Variants in SLC25A45 observed in about 807,000 individuals in gnomAD.
SLC25A45 encodes methylated amino-acid transporter SLC25A45.
SLC25A45 carries 22 observed loss-of-function variants against 23.0 expected under a neutral mutation model. The ratio of observed to expected loss-of-function variants is 0.95; its 90% confidence interval spans 0.68 to 1.36. The LOEUF (loss-of-function observed/expected upper bound fraction) is 1.36, where lower values mean the gene tolerates loss of function less well. Ranked by LOEUF, SLC25A45 falls within the 40% of genes most tolerant of loss-of-function variation. The pLI, the probability that SLC25A45 is intolerant of heterozygous loss-of-function variation, is 0.00. For synonymous variants in SLC25A45, 136 were observed against 155.0 expected, an observed-to-expected ratio of 0.88 and a Z score of 0.91; for missense variants, 355 against 383.5, an observed-to-expected ratio of 0.93 and a Z score of 0.62.
chr11:65,380,288 T>G, intron 2 of SLC25A45, 113 bp from the exon 3 acceptor site: 4 of 1,486,480 alleles, frequency 2.7e-6, no homozygotes, highest in Non-Finnish European at 3.7e-6. Context: ...CAGGGCCATC[T>G]CAGACACATG....
intron 2 of SLC25A45, chr11:65,380,712 C>G: frequency 1.3e-6 from 1 of 762,824 alleles, no homozygotes; most frequent in Non-Finnish European, 1.9e-6. Context: ...CCCTGCCCTC[C>G]ACAGCAGAGG....
At chr11:65,382,727 C>A (rs1855639311), upstream of SLC25A45, 1 of 152,750 alleles carries the variant, frequency 6.5e-6, no homozygotes, top group Admixed American at 6.5e-5. This position sits in a 1 kb window ranked among gnomAD's most constrained non-coding sequence, Gnocchi z 4.4. Context: ...CCACCCACCC[C>A]CTTGCTTTCT....
At chr11:65,381,825 T>G in intron 2 of SLC25A45, 90 bp downstream of exon 2, 2 of 1,532,918 alleles carry the variant, frequency 1.3e-6, no homozygotes, top group Non-Finnish European at 1.8e-6. Context: ...AACTCAGACT[T>G]TGGTCTCTGC....
At position 65,376,269 on chromosome 11, in the gene SLC25A45, C is replaced by T; in HGVS notation, c.*138G>A. ...CCACAGGTGTCTGCCCAGCCCAGAT[C>T]TGCGCGGGTGGGAGGCACCTTGGTT... On this transcript the variant is annotated 3_prime_UTR_variant, in exon 7 of 7. Coordinates refer to ENST00000398802, the MANE Select transcript of SLC25A45 (RefSeq NM_182556.4). The T allele has an allele frequency of 9.1e-7, 1 of 1,104,916 alleles. No individual in the cohort carries two copies. 68.4% of individuals were successfully genotyped at this position (1,104,916 alleles called of 1,614,324 possible).
Position 65,382,181 on chromosome 11 carries a change from C to T in SLC25A45, c.-18-212G>A, listed in dbSNP as rs921970434. On this transcript the variant is annotated intron_variant, in intron 1 of 6. Transcript: ENST00000398802. The surrounding 1 kb of genome is among the most constrained non-coding windows in gnomAD (Gnocchi z 4.4). ...GCAGAGTACAGTCTCACGGGCCAGGCGTGCCGGGACCACAGAGGCCCTGAT... is the reference window on the plus strand; with the variant it reads ...GCAGAGTACAGTCTCACGGGCCAGGTGTGCCGGGACCACAGAGGCCCTGAT... 197 of 574,104 alleles carry T rather than the reference C, an allele frequency of 3.4e-4. 3 individuals are homozygous for T. In the South Asian group the frequency reaches 3.7e-3, roughly 11 times the overall value. 35.6% of individuals were successfully genotyped at this position (574,104 alleles called of 1,614,324 possible).
rs151187182 is a variant in SLC25A45 at position 65,379,923 on chromosome 11, G to A, written c.97C>T (p.Gln33Ter). The A allele has an allele frequency of 4.9e-4, 783 of 1,614,194 alleles. No homozygotes were observed. The African/African-American group carries it at 8.0e-3, about 17-fold the overall frequency. The change falls in exon 4 of 7, where the codon CAG becomes TAG. Residue 33 changes from glutamine to a stop codon, truncating the protein, a stop_gained. Transcript: ENST00000398802. LOFTEE classifies it high-confidence loss of function. The stretch of plus-strand genomic sequence containing the variant: ...TCAACGATGCCCCGGTAGGTGGTCT[G>A]GGTCTGCAGCCTCACCTGGGTGGGA... ...FDTVKVRLQTQTTYRGIVDCM... is the reference protein window; with the variant it reads ...FDTVKVRLQT
At chr11:65,380,472 A>C (rs918357776) in intron 2 of SLC25A45, 1 of 1,290,268 alleles carries the variant, frequency 7.8e-7, no homozygotes, top group Non-Finnish European at 1.1e-6. Flanking sequence ...GCTGGAGCCC[A>C]TACCCGGGTA....
At position 65,379,527 on chromosome 11, in the gene SLC25A45, A is replaced by G. The variant is rs764771932; in HGVS notation, c.188T>C (p.Ile63Thr). 1.7e-5 allele frequency: 27 copies of G among 1,612,718 alleles called. No individual in the cohort carries two copies. The highest frequency in any genetic ancestry group is 2.1e-5 in the Non-Finnish European group (25 of 1,178,940). The change falls in exon 5 of 7, where the codon ATT becomes ACT. Residue 63 changes from isoleucine to threonine, a missense_variant. Transcript: ENST00000398802. ...LGFFKGMSFP[I>T]ASIAVVNSVL... ...AGAGTTGACCACAGCTATGCTGGCA[A>G]TGGGGAAGCTCATTCCCTTGAAGAA...
intron 2 of SLC25A45, chr11:65,380,451 T>C: frequency 8.8e-7 from 1 of 1,138,944 alleles, no homozygotes; most frequent in Non-Finnish European, 1.2e-6. Context: ...GCCAAAGACG[T>C]ACGTGTCCTC....
At position 65,376,560 on chromosome 11, in the gene SLC25A45, C is replaced by T. The variant is rs201428705; in HGVS notation, c.714G>A (p.Val238=). The change falls in exon 7 of 7, where the codon GTG becomes GTA. Residue 238 remains valine (V), a synonymous_variant. Coordinates refer to ENST00000398802, the MANE Select transcript of SLC25A45 (RefSeq NM_182556.4). ...RMQMDGLRRR[V]YQGMLDCMVS... is the part of the protein sequence containing the mutation. ...CCATGCAGTCCAGCATCCCCTGGTA[C>T]ACTCTGCGTCTCAGTCCATCCATCT... The T allele has an allele frequency of 2.5e-5, 41 of 1,614,060 alleles. 1 individual carries two copies. The highest frequency in any genetic ancestry group is 1.6e-4 in the Middle Eastern group (1 of 6,084).
At chr11:65,380,719 G>C (rs1385407725) in intron 2 of SLC25A45, 1 of 717,878 alleles carries the variant, frequency 1.4e-6, no homozygotes, top group Admixed American at 3.0e-5. Context: ...CTCCACAGCA[G>C]AGGCTGGTTC....
chr11:65,380,543 A>G (rs1025526391), intron 2 of SLC25A45: 24 of 1,354,640 alleles, frequency 1.8e-5, no homozygotes, highest in Non-Finnish European at 2.3e-5. Flanking sequence ...CCTCTCCGAG[A>G]GCTTTACTCT....
chr11:65,376,875 A>G lies in SLC25A45; in HGVS notation c.541T>C (p.Tyr181His). ...TLRDTPTVGIYFITYEGLCRQ... is the reference protein window; with the variant it reads ...TLRDTPTVGIHFITYEGLCRQ... ...CAGAGCCCTTCATAGGTGATGAAGT[A>G]GATCCCCACCGTGGGGGTGTCCCTC... The change falls in exon 6 of 7, where the codon TAC becomes CAC. Residue 181 changes from tyrosine to histidine, a missense_variant. Coordinates refer to ENST00000398802, the MANE Select transcript of SLC25A45 (RefSeq NM_182556.4). The G allele has an allele frequency of 6.2e-7, 1 of 1,614,226 alleles. No homozygotes were observed. Among genetic ancestry groups the G allele is most frequent in the Non-Finnish European group, 8.5e-7 (1 of 1,180,044 alleles).
At chr11:65,381,825 T>C (rs1257824463) in intron 2 of SLC25A45, 90 bp downstream of exon 2, 3 of 1,532,918 alleles carry the variant, frequency 2.0e-6, no homozygotes, top group Non-Finnish European at 2.7e-6. Context: ...AACTCAGACT[T>C]TGGTCTCTGC....
Position 65,381,946 on chromosome 11 carries a change from C to T in SLC25A45, c.6G>A (p.Pro2=), listed in dbSNP as rs768688189. The T allele has an allele frequency of 8.1e-6, 13 of 1,613,974 alleles. No individual in the cohort carries two copies. The highest frequency in any genetic ancestry group is 6.7e-5 in the East Asian group (3 of 44,890). The change falls in exon 2 of 7, where the codon CCG becomes CCA. Residue 2 remains proline (P), a synonymous_variant. Transcript: ENST00000398802. M[P]VEEFVAGWIS... ...TCCAGCCAGCCACAAATTCCTCCAC[C>T]GGCATTGTCTGGGCTTGCGGGAACT...
chr11:65,380,312 G>A, intron 2 of SLC25A45, 137 bp from the exon 3 acceptor site: 1 of 1,311,100 alleles, frequency 7.6e-7, no homozygotes, highest in Non-Finnish European at 1.1e-6. Context: ...CCACCTTCCT[G>A]CCAAGCTCTA....
rs1855593722 is a variant in SLC25A45 at position 65,382,026 on chromosome 11, C to T, written c.-18-57G>A. On this transcript the variant is annotated intron_variant, in intron 1 of 6. Coordinates refer to ENST00000398802, the MANE Select transcript of SLC25A45 (RefSeq NM_182556.4). The surrounding 1 kb of genome is among the most constrained non-coding windows in gnomAD (Gnocchi z 4.4). ...ATTCCCCCCTCTCCCTCCCCTGGCCCACGCTGATAACCTCCCACTAATGTT... is the reference window on the plus strand; with the variant it reads ...ATTCCCCCCTCTCCCTCCCCTGGCCTACGCTGATAACCTCCCACTAATGTT... 2 of 1,272,420 alleles carry T rather than the reference C, an allele frequency of 1.6e-6. No homozygotes were observed. The highest frequency in any genetic ancestry group is 2.3e-6 in the Non-Finnish European group (2 of 868,728). The allele number at this position is 1,272,420 out of a possible 1,614,324, so 78.8% of individuals were successfully genotyped here.
chr11:65,377,213 C>G lies in SLC25A45; in HGVS notation c.340-137G>C, dbSNP rs529993546. The G allele has an allele frequency of 3.5e-5, 50 of 1,443,916 alleles. No individual in the cohort carries two copies. In the African/African-American group the frequency reaches 6.7e-4, roughly 19 times the overall value. The allele number at this position is 1,443,916 out of a possible 1,614,324, so 89.4% of individuals were successfully genotyped here. A position where few individuals can be genotyped will look rare whatever the true frequency, so the allele number is the denominator to read the frequency against. On this transcript the variant is annotated intron_variant, in intron 5 of 6. Transcript: ENST00000398802. ...GGAACCCTGCCGGCACCCAGCCTCT[C>G]ACGTGCATGTGTGGCTGGGATGGCC...
In SLC25A45 at chr11:65,381,908, G is replaced by A; in HGVS notation, c.37+7C>T. ...GTGATGTGACAGAAGGAAGAAAAAT[G>A]TCTCACCAGAGATCCAGCCAGCCAC... On this transcript the variant is annotated splice_region_variant and intron_variant, in intron 2 of 6. Coordinates refer to ENST00000398802, the MANE Select transcript of SLC25A45 (RefSeq NM_182556.4). The A allele has an allele frequency of 6.2e-7, 1 of 1,614,114 alleles. No individual in the cohort carries two copies. The highest frequency in any genetic ancestry group is 1.3e-5 in the African/African-American group (1 of 75,022).
Sources: allele counts gnomAD v4.1 joint callset, GRCh38; gene constraint gnomAD v4.1.1; non-coding constraint Gnocchi (gnomAD v3.1); transcripts MANE v1.5; gene names NCBI Gene and HGNC (gene_info 2026-07-23, HGNC 2026-07-21).